The following MACROD2 variants were observed in gnomAD, a reference collection of about 807,000 sequenced individuals.
MACROD2 encodes mono-ADP ribosylhydrolase 2, also known as ADP-ribose glycohydrolase MACROD2.
Under a neutral mutation model 70.4 loss-of-function variants are expected in MACROD2, and 36 were observed. That is an observed-to-expected ratio of 0.51 (90% CI 0.39 to 0.68). MACROD2 has a LOEUF of 0.68. Ranked by LOEUF, MACROD2 falls within the 30% of genes least tolerant of loss-of-function variation. The probability of loss-of-function intolerance (pLI) is 0.00; values close to 1 mark genes in which losing one functional copy is unlikely to be tolerated. For synonymous variants in MACROD2, 172 were observed against 178.8 expected (o/e 0.96, Z 0.30); for missense variants, 496 against 538.4 (o/e 0.92, Z 0.78).
chr20:15,847,040 C>T (rs1352351485), intron 8 of MACROD2, among the ~76,000 whole-genome samples: 2 of 151,304 alleles, frequency 1.3e-5, no homozygotes, highest in Admixed American at 6.6e-5. Context: ...ATCTGTTTCA[C>T]AACTCAGAAA....
At chr20:15,556,746 G>T (rs901625215) in intron 8 of MACROD2, among the ~76,000 whole-genome samples, 2 of 152,144 alleles carry the variant, frequency 1.3e-5, no homozygotes, top group Non-Finnish European at 2.9e-5. Context: ...ACAAATGTGG[G>T]TATAAACTCA....
At chr20:15,281,485 G>T (rs1384608660) in intron 6 of MACROD2, among the ~76,000 whole-genome samples, 1 of 152,146 alleles carries the variant, frequency 6.6e-6, no homozygotes, top group South Asian at 2.1e-4. Flanking sequence ...TTCCAAATGG[G>T]AGAAATTGGC....
At chr20:14,878,195 A>C (rs1013648363) in intron 5 of MACROD2, among the ~76,000 whole-genome samples, 1 of 152,194 alleles carries the variant, frequency 6.6e-6, no homozygotes, top group Non-Finnish European at 1.5e-5. Context: ...GTGTGTAAGC[A>C]TTGAGAGGGT....
intron 5 of MACROD2, among the ~76,000 whole-genome samples, chr20:14,707,087 G>GA (rs1187996416): frequency 6.6e-6 from 1 of 152,108 alleles, no homozygotes; most frequent in East Asian, 1.9e-4. Context: ...CAGGATCCCA[G>GA]ATTTTATAAA....
chr20:14,814,916 A>T (rs2072756013), intron 5 of MACROD2, among the ~76,000 whole-genome samples: 3 of 137,480 alleles, frequency 2.2e-5, no homozygotes, highest in Non-Finnish European at 5.0e-5. Context: ...TGCATTGAAC[A>T]TTTATTGAAT....
At chr20:15,351,617 G>A (rs2078227736) in intron 6 of MACROD2, among the ~76,000 whole-genome samples, 1 of 152,164 alleles carries the variant, frequency 6.6e-6, no homozygotes, top group Admixed American at 6.5e-5. Flanking sequence ...ATAGCTGTGA[G>A]GATAGTAGCT....
chr20:15,239,582 A>T (rs1177857908), intron 6 of MACROD2, among the ~76,000 whole-genome samples: 2 of 152,198 alleles, frequency 1.3e-5, no homozygotes, highest in African/African-American at 2.4e-5. Flanking sequence ...CCTAGATTTC[A>T]GCCCATACGA....
At chr20:15,463,791 A>G (rs1441489302) in intron 7 of MACROD2, among the ~76,000 whole-genome samples, 1 of 152,196 alleles carries the variant, frequency 6.6e-6, no homozygotes. Context: ...ACTGTAAAAT[A>G]TAAAGCTTAT....
chr20:14,389,496 C>G (rs542210955), intron 3 of MACROD2, among the ~76,000 whole-genome samples: 3 of 149,600 alleles, frequency 2.0e-5, no homozygotes, highest in South Asian at 2.2e-4. Context: ...TGAGAGAGAT[C>G]ACTTTTACCA....
intron 3 of MACROD2, among the ~76,000 whole-genome samples, chr20:14,424,199 T>C (rs1231107792): frequency 1.3e-5 from 2 of 152,194 alleles, no homozygotes; most frequent in Non-Finnish European, 2.9e-5. Context: ...ACTTTAACTG[T>C]GAATTTAGAG....
intron 8 of MACROD2, among the ~76,000 whole-genome samples, chr20:15,820,976 C>G (rs2063932285): frequency 6.6e-6 from 1 of 152,142 alleles, no homozygotes; most frequent in Non-Finnish European, 1.5e-5. Context: ...CAATGGAGCA[C>G]CTTTCTGAGA....
intron 2 of MACROD2, among the ~76,000 whole-genome samples, chr20:14,069,918 T>C (rs1158123667): frequency 2.6e-5 from 4 of 151,788 alleles, no homozygotes; most frequent in African/African-American, 7.3e-5. Context: ...CCCTGGCTAG[T>C]ATATTGGAGA....
At chr20:14,651,107 A>G (rs1985655482) in intron 4 of MACROD2, among the ~76,000 whole-genome samples, 1 of 152,198 alleles carries the variant, frequency 6.6e-6, no homozygotes, top group East Asian at 1.9e-4. Context: ...TTTGGAAGGT[A>G]CAGAATTAAA....
chr20:15,990,407 C>T (rs1452430301), intron 15 of MACROD2, among the ~76,000 whole-genome samples: 2 of 151,972 alleles, frequency 1.3e-5, no homozygotes, highest in South Asian at 4.2e-4. Context: ...ATATCAACAT[C>T]GAGTTATTAT....
At chr20:15,141,372 G>T (rs538164757) in intron 5 of MACROD2, among the ~76,000 whole-genome samples, 1 of 151,426 alleles carries the variant, frequency 6.6e-6, no homozygotes, top group Admixed American at 6.6e-5. Flanking sequence ...TCAGGTACTC[G>T]CATACATACA....
chr20:15,699,893 G>A (rs2050431503), intron 8 of MACROD2, among the ~76,000 whole-genome samples: 2 of 152,080 alleles, frequency 1.3e-5, no homozygotes. Flanking sequence ...AGGCAGGAAT[G>A]GGCTGCTTGG....
At chr20:15,117,387 G>T (rs1178218019) in intron 5 of MACROD2, among the ~76,000 whole-genome samples, 1 of 151,946 alleles carries the variant, frequency 6.6e-6, no homozygotes, top group Non-Finnish European at 1.5e-5. Context: ...TGTTTTTATG[G>T]TGTTTCCTTC....
chr20:14,620,970 T>C (rs1983794257), intron 4 of MACROD2, among the ~76,000 whole-genome samples: 1 of 152,050 alleles, frequency 6.6e-6, no homozygotes, highest in Admixed American at 6.6e-5. Context: ...AAGCAGATGG[T>C]TTGTGGACCT....
Position 15,088,397 on chromosome 20 carries a change from TTATATA to T in MACROD2, c.419-141494_419-141489del, listed in dbSNP as rs71190173. On this transcript the variant is annotated intron_variant, in intron 5 of 17. Coordinates refer to ENST00000684519, the MANE Select transcript of MACROD2 (RefSeq NM_001351661.2). ...ACCATTAAAACATATATACTATATT[TTATATA>T]TATATATATATATATATATATATAT... Among the ~76,000 whole-genome samples, 913 of 110,450 alleles carry T rather than the reference TTATATA, an allele frequency of 8.3e-3. 6 individuals carry two copies. Among genetic ancestry groups the T allele is most frequent in the East Asian group, 0.027 (58 of 2,182 alleles). 72.5% of individuals were successfully genotyped at this position (110,450 alleles called of 152,430 possible). A position where few individuals can be genotyped will look rare whatever the true frequency, so the allele number is the denominator to read the frequency against.
Sources: gnomAD v4.1 joint callset for allele counts (sites outside exome capture counted in the v4.1 genomes callset) on GRCh38, gnomAD v4.1.1 for gene constraint, MANE v1.5 for transcripts, NCBI Gene and HGNC (gene_info 2026-07-23, HGNC 2026-07-21) for gene names.